MAP7: variants seen among roughly 807,000 people sequenced by gnomAD.
MAP7 encodes the protein ensconsin.
In MAP7, 52 loss-of-function variants were observed where a neutral mutation model predicts 94.8. The ratio of observed to expected loss-of-function variants is 0.55; its 90% CI spans 0.44 to 0.69. The LOEUF is 0.69. Ranked by LOEUF, MAP7 falls within the 30% of genes least tolerant of loss-of-function variation. MAP7 has a pLI of 0.00. For synonymous variants in MAP7, 350 were observed against 357.0 expected (o/e 0.98, Z 0.22); for missense variants, 940 against 964.6 (o/e 0.97, Z 0.34).
chr6:136,493,311 C>T (rs777806529), intron 1 of MAP7, among the ~76,000 whole-genome samples: 3 of 152,030 alleles, frequency 2.0e-5, no homozygotes, highest in Non-Finnish European at 2.9e-5. Flanking sequence ...TTAGAAGAGA[C>T]GGGGTTTCTC....
intron 5 of MAP7, among the ~76,000 whole-genome samples, chr6:136,384,711 C>T (rs893253996): frequency 6.6e-6 from 1 of 152,064 alleles, no homozygotes; most frequent in Non-Finnish European, 1.5e-5. Context: ...GTCTCAAATT[C>T]CTGGCCTCAA....
intron 1 of MAP7, among the ~76,000 whole-genome samples, chr6:136,533,316 T>A (rs1023728367): frequency 1.3e-5 from 2 of 152,176 alleles, no homozygotes; most frequent in Admixed American, 1.3e-4. Context: ...ATAAGAGAGT[T>A]TTCCCCTCAA....
At chr6:136,376,750 C>T (rs1198359085) in intron 7 of MAP7, among the ~76,000 whole-genome samples, 1 of 152,178 alleles carries the variant, frequency 6.6e-6, no homozygotes, top group Non-Finnish European at 1.5e-5. Flanking sequence ...TGTGGGAATG[C>T]CCACGCTTGC....
intron 13 of MAP7, among the ~76,000 whole-genome samples, chr6:136,360,290 C>G (rs748741279): frequency 6.6e-6 from 1 of 152,024 alleles, no homozygotes. Context: ...GGATTACAGG[C>G]GCCCGCCACC....
intron 1 of MAP7, among the ~76,000 whole-genome samples, chr6:136,487,932 G>T (rs148947209): frequency 1.5e-3 from 228 of 152,258 alleles, no homozygotes; most frequent in Non-Finnish European, 2.7e-3. Flanking sequence ...CCTCTGTTAA[G>T]AGTCATACTT....
chr6:136,549,817 T>TCG (rs1562499103), intron 1 of MAP7, among the ~76,000 whole-genome samples: 1 of 152,028 alleles, frequency 6.6e-6, no homozygotes, highest in African/African-American at 2.4e-5. Context: ...GGCACCAGAT[T>TCG]GGGGGGCGGG....
intron 1 of MAP7, among the ~76,000 whole-genome samples, chr6:136,470,756 G>A (rs1808709349): frequency 6.6e-6 from 1 of 151,944 alleles, no homozygotes; most frequent in Non-Finnish European, 1.5e-5. Flanking sequence ...TCGTGTGTGT[G>A]TGATAGTGAA....
chr6:136,550,173 A>C lies in MAP7; in HGVS notation c.67+169T>G, dbSNP rs1830032418. Among the ~76,000 whole-genome samples, 1 of 149,804 alleles carries C rather than the reference A, an allele frequency of 6.7e-6. No individual in the cohort carries two copies. Among genetic ancestry groups the C allele is most frequent in the Admixed American group, 6.6e-5 (1 of 15,084 alleles). On this transcript the variant is annotated intron_variant, in intron 1 of 17. Transcript: ENST00000354570. The surrounding 1 kb of genome is among the most constrained non-coding windows in gnomAD (Gnocchi z 5.1). ...GAGCCGCGGCGGCGAAGGGCGGGGG[A>C]AGGCGCTCTCGGAGCAGGGTGCGCG...
At chr6:136,397,080 A>T (rs1315460889) in intron 3 of MAP7, among the ~76,000 whole-genome samples, 1 of 152,246 alleles carries the variant, frequency 6.6e-6, no homozygotes, top group Non-Finnish European at 1.5e-5. Context: ...ATCCTAATGC[A>T]GTGCCTTCTT....
At chr6:136,510,586 C>A in intron 1 of MAP7, among the ~76,000 whole-genome samples, 1 of 152,102 alleles carries the variant, frequency 6.6e-6, no homozygotes, top group East Asian at 1.9e-4. Flanking sequence ...TCACACACGG[C>A]AGTCCACCCT....
intron 1 of MAP7, among the ~76,000 whole-genome samples, chr6:136,456,822 G>GAAGAAAGAAGAAGAAGAAGAAGAA (rs1554259490): frequency 1.4e-5 from 1 of 69,024 alleles, no homozygotes; most frequent in African/African-American, 6.4e-5. Flanking sequence ...AGAAGAAGAA[G>GAAGAAAGAAGAAGAAGAAGAAGAA]GAAGAAGAAG....
At chr6:136,395,582 T>C (rs1488744338) in intron 3 of MAP7, among the ~76,000 whole-genome samples, 1 of 152,184 alleles carries the variant, frequency 6.6e-6, no homozygotes, top group Non-Finnish European at 1.5e-5. Flanking sequence ...TTGTCTATTT[T>C]TGCTTTCGTT....
chr6:136,466,532 A>C (rs184144370), intron 1 of MAP7, among the ~76,000 whole-genome samples: 15 of 152,258 alleles, frequency 9.9e-5, no homozygotes, highest in Admixed American at 2.6e-4. Context: ...TGAAGGTAGA[A>C]GTATAAATCC....
chr6:136,533,856 G>T (rs1009571649), intron 1 of MAP7, among the ~76,000 whole-genome samples: 19 of 152,062 alleles, frequency 1.2e-4, no homozygotes, highest in South Asian at 1.2e-3. Flanking sequence ...ATCCCACTAG[G>T]TCTGCCTCTA....
chr6:136,499,635 G>A (rs1819280874), intron 1 of MAP7, among the ~76,000 whole-genome samples: 1 of 152,062 alleles, frequency 6.6e-6, no homozygotes, highest in African/African-American at 2.4e-5. Context: ...AATACTTTAG[G>A]CTTCCGGGCC....
At chr6:136,534,387 A>G (rs1828716283) in intron 1 of MAP7, among the ~76,000 whole-genome samples, 1 of 152,188 alleles carries the variant, frequency 6.6e-6, no homozygotes. Context: ...AGCCAGGATA[A>G]TCCCCTTTAC....
intron 1 of MAP7, among the ~76,000 whole-genome samples, chr6:136,500,020 A>G (rs1454093974): frequency 6.6e-6 from 1 of 151,316 alleles, no homozygotes; most frequent in African/African-American, 2.5e-5. Context: ...AAACAAAAAC[A>G]GTTGAGTGGA....
rs768669659 is a variant in MAP7 at position 136,345,880 on chromosome 6, C to T, written c.2215G>A (p.Gly739Ser). The change falls in exon 17 of 18, where the codon GGT becomes AGT. Residue 739 changes from glycine to serine, a missense_variant. Coordinates refer to ENST00000354570, the MANE Select transcript of MAP7 (RefSeq NM_003980.6). ...CCTGCAGTCTGCTGTGTCTGAACAC[C>T]ATCTACCTGAGGCAGGGGCCCAAGT... ...GTLGPLPQVDGVQTQQTAEVI is the reference protein window; with the variant it reads ...GTLGPLPQVDSVQTQQTAEVI 8.7e-6 allele frequency: 14 copies of T among 1,614,016 alleles called. No individual in the cohort carries two copies. Among genetic ancestry groups the T allele is most frequent in the Non-Finnish European group, 1.2e-5 (14 of 1,180,024 alleles).
At chr6:136,473,846 C>T (rs866384776) in intron 1 of MAP7, among the ~76,000 whole-genome samples, 1 of 152,200 alleles carries the variant, frequency 6.6e-6, no homozygotes, top group South Asian at 2.1e-4. Flanking sequence ...TAGTGTCTCT[C>T]ATTTACCAAA....
Sources: allele counts gnomAD v4.1 joint callset (sites outside exome capture counted in the v4.1 genomes callset), GRCh38; gene constraint gnomAD v4.1.1; non-coding constraint Gnocchi (gnomAD v3.1); transcripts MANE v1.5; gene names NCBI Gene and HGNC (gene_info 2026-07-23, HGNC 2026-07-21).